SNRPE: variants seen among roughly 807,000 people sequenced by gnomAD.
SNRPE encodes the protein small nuclear ribonucleoprotein polypeptide E, also known as small nuclear ribonucleoprotein E.
For missense variants in SNRPE, 53 were observed against 111.6 expected, an observed-to-expected ratio of 0.48 and a Z score of 2.36; for synonymous variants, 35 against 36.7, an observed-to-expected ratio of 0.95 and a Z score of 0.17.
intron 4 of SNRPE, among the ~76,000 whole-genome samples, chr1:203,868,633 T>C (rs1024086723): frequency 6.6e-6 from 1 of 152,114 alleles, no homozygotes; most frequent in Non-Finnish European, 1.5e-5. Context: ...TTAGACTATT[T>C]TTATGAAAGC....
chr1:203,863,611 G>T, intron 2 of SNRPE, 52 bp from the exon 3 acceptor site: 1 of 1,354,214 alleles, frequency 7.4e-7, no homozygotes, highest in South Asian at 1.2e-5. Flanking sequence ...GAGCCACCGC[G>T]CCCGGCCCTA....
intron 4 of SNRPE, among the ~76,000 whole-genome samples, chr1:203,865,568 C>A (rs534166795): frequency 1.3e-5 from 2 of 152,134 alleles, no homozygotes; most frequent in Admixed American, 1.3e-4. Context: ...GCAATCAGTT[C>A]GGCAGTGGAC....
In SNRPE at chr1:203,861,627, A is replaced by G. The variant is rs372566534; in HGVS notation, c.-33A>G. 20 of 1,587,474 alleles carry G rather than the reference A, an allele frequency of 1.3e-5. No homozygotes were observed. Among genetic ancestry groups the G allele is most frequent in the African/African-American group, 4.0e-5 (3 of 74,484 alleles). ...TATTCCGGAAGTTGCTCTCAGAGGCAGCGTGCGGGTGTGCTCTTTGTGAAA... is the reference window on the plus strand; with the variant it reads ...TATTCCGGAAGTTGCTCTCAGAGGCGGCGTGCGGGTGTGCTCTTTGTGAAA... On this transcript the variant is annotated 5_prime_UTR_variant, in exon 1 of 5. Transcript: ENST00000414487.
At chr1:203,864,116 T>TG in intron 3 of SNRPE, among the ~76,000 whole-genome samples, 1 of 152,024 alleles carries the variant, frequency 6.6e-6, no homozygotes, top group Non-Finnish European at 1.5e-5. Context: ...CATCACAGCC[T>TG]GCTAAATTTT....
At chr1:203,865,739 T>G (rs1690073472) in intron 4 of SNRPE, among the ~76,000 whole-genome samples, 1 of 152,178 alleles carries the variant, frequency 6.6e-6, no homozygotes, top group African/African-American at 2.4e-5. Context: ...TACCTGTGCT[T>G]CTTACTGACT....
chr1:203,864,876 C>A (rs1278005024), intron 3 of SNRPE, among the ~76,000 whole-genome samples, 165 bp from the exon 4 acceptor site: 57 of 119,264 alleles, frequency 4.8e-4, no homozygotes, highest in African/African-American at 1.2e-3. Context: ...GATCCTTTCT[C>A]AAAAAAAAAA....
Position 203,870,893 on chromosome 1 carries a change from A to G in SNRPE, c.*961A>G, listed in dbSNP as rs987806251. On this transcript the variant is annotated 3_prime_UTR_variant, in exon 5 of 5. Coordinates refer to ENST00000414487, the MANE Select transcript of SNRPE (RefSeq NM_003094.4). ...TTGAAAGATGAATAAGGCCTGCCTT[A>G]AGTTCTGCTAAAGGCCATGTTGTTA... 1.3e-5 allele frequency among the ~76,000 whole-genome samples: 2 copies of G among 152,258 alleles called. No individual in the cohort carries two copies. Among genetic ancestry groups the G allele is most frequent in the Middle Eastern group, 3.2e-3 (1 of 316 alleles).
chr1:203,864,438 A>ATT (rs11419311), intron 3 of SNRPE, among the ~76,000 whole-genome samples: 11 of 148,932 alleles, frequency 7.4e-5, no homozygotes, highest in Admixed American at 2.7e-4. Context: ...GCTACCCTAA[A>ATT]TTTTTTTTTT....
intron 2 of SNRPE, 78 bp from the exon 3 acceptor site, chr1:203,863,585 C>T (rs867499166): frequency 1.0e-6 from 1 of 962,894 alleles, no homozygotes; most frequent in Non-Finnish European, 1.7e-6. Context: ...TCCGAAAGTG[C>T]TGGGATTACA....
At chr1:203,867,768 A>G (rs1690123792) in intron 4 of SNRPE, among the ~76,000 whole-genome samples, 1 of 152,136 alleles carries the variant, frequency 6.6e-6, no homozygotes, top group African/African-American at 2.4e-5. Context: ...CCAGTTTCTA[A>G]CAGGGACCAG....
intron 3 of SNRPE, among the ~76,000 whole-genome samples, chr1:203,863,943 T>C (rs1690032792): frequency 6.6e-6 from 1 of 151,730 alleles, no homozygotes; most frequent in Non-Finnish European, 1.5e-5. Context: ...CCTCTGTCTA[T>C]GTTGAGAAGA....
chr1:203,862,970 T>C (rs184180774), intron 2 of SNRPE, among the ~76,000 whole-genome samples: 3 of 152,074 alleles, frequency 2.0e-5, no homozygotes, highest in Admixed American at 6.5e-5. Context: ...GTAAGAAATA[T>C]TGAGTCCCAA....
chr1:203,869,569 C>T lies in SNRPE; in HGVS notation c.224-308C>T, dbSNP rs1345803275. On this transcript the variant is annotated intron_variant, in intron 4 of 4. Transcript: ENST00000414487. ...TGCTGTATTTCCCAAACTTGACATA[C>T]GACTCATTTCCAAACTTTTATTACA... Among the ~76,000 whole-genome samples the T allele has an allele frequency of 2.0e-5, 3 of 152,030 alleles. No individual in the cohort carries two copies. In the East Asian group the frequency reaches 5.8e-4, roughly 29 times the overall value.
At chr1:203,863,507 G>C in intron 2 of SNRPE, 156 bp from the exon 3 acceptor site, 1 of 595,036 alleles carries the variant, frequency 1.7e-6, no homozygotes, top group Admixed American at 3.0e-5. Context: ...TTTTAGTAGA[G>C]ATGGGGTTTC....
chr1:203,869,453 C>T (rs1380795862), intron 4 of SNRPE, among the ~76,000 whole-genome samples: 4 of 151,742 alleles, frequency 2.6e-5, no homozygotes, highest in Non-Finnish European at 4.4e-5. Flanking sequence ...ATTACAGGCA[C>T]GCGCCACCAG....
intron 3 of SNRPE, 148 bp from the exon 4 acceptor site, chr1:203,864,893 A>C: frequency 2.5e-6 from 1 of 407,908 alleles, no homozygotes; most frequent in Non-Finnish European, 3.6e-6. Context: ...AAAAAAAAAA[A>C]AAAAAAAACT....
At chr1:203,867,123 A>AAAAAACAAAAAAC (rs1553274872) in intron 4 of SNRPE, among the ~76,000 whole-genome samples, 1 of 141,294 alleles carries the variant, frequency 7.1e-6, no homozygotes, top group Admixed American at 7.1e-5. Flanking sequence ...AAAAAAAAAA[A>AAAAAACAAAAAAC]AAAAAAATTA....
Position 203,863,592 on chromosome 1 carries a change from T to G in SNRPE, c.82-71T>G, listed in dbSNP as rs1052337106. Reference sequence around the variant, plus strand: ...CCTCGGCCTCCGAAAGTGCTGGGATTACAGGCGTGAGCCACCGCGCCCGGC... The same window carrying G: ...CCTCGGCCTCCGAAAGTGCTGGGATGACAGGCGTGAGCCACCGCGCCCGGC... On this transcript the variant is annotated intron_variant, in intron 2 of 4. Transcript: ENST00000414487. 1.1e-5 allele frequency: 11 copies of G among 1,043,628 alleles called. No homozygotes were observed. In the African/African-American group the frequency reaches 1.3e-4, roughly 12 times the overall value. 64.6% of individuals were successfully genotyped at this position (1,043,628 alleles called of 1,614,324 possible).
chr1:203,867,203 C>G (rs533894584), intron 4 of SNRPE, among the ~76,000 whole-genome samples: 1 of 151,092 alleles, frequency 6.6e-6, no homozygotes, highest in Admixed American at 6.6e-5. Flanking sequence ...TGGCGCGAAC[C>G]TGGGAGGCGG....
Sources: gnomAD v4.1 joint callset for allele counts (sites outside exome capture counted in the v4.1 genomes callset) on GRCh38, gnomAD v4.1.1 for gene constraint, MANE v1.5 for transcripts, NCBI Gene and HGNC (gene_info 2026-07-23, HGNC 2026-07-21) for gene names.